Variants in PLA2G6 observed in about 807,000 individuals in gnomAD.
PLA2G6 encodes 85/88 kDa calcium-independent phospholipase A2.
In PLA2G6, 62 loss-of-function variants were observed where a neutral mutation model predicts 83.8. That is an observed-to-expected ratio of 0.74 (90% confidence interval 0.60 to 0.91). PLA2G6 has a LOEUF of 0.91. Among genes scored for constraint, PLA2G6 ranks in the 40% least tolerant of loss-of-function variants. The probability of loss-of-function intolerance (pLI) is 0.00; values close to 1 mark genes in which losing one functional copy is unlikely to be tolerated. For missense variants in PLA2G6, 944 were observed against 1,102.0 expected (o/e 0.86, Z 2.03); for synonymous variants, 417 against 449.8 (o/e 0.93, Z 0.92).
Position 38,111,844 on chromosome 22 carries a change from G to A in PLA2G6, c.*317C>T. ...CTCAGGGAGGCTGGGGCTGGGGGCA[G>A]GGGTACGGTTGTGCCCGGGTACCCT... On this transcript the variant is annotated 3_prime_UTR_variant, in exon 17 of 17. Transcript: ENST00000332509. 1 of 408,040 alleles carries A rather than the reference G, an allele frequency of 2.5e-6. No individual in the cohort carries two copies. The allele number at this position is 408,040 out of a possible 1,614,324, so 25.3% of individuals were successfully genotyped here.
chr22:38,130,720 G>A (rs922538871), intron 7 of PLA2G6: 2 of 151,936 alleles, frequency 1.3e-5, no homozygotes, highest in Non-Finnish European at 2.9e-5. Context: ...AAGTAAGCCA[G>A]GCCGGGCACG....
At position 38,113,616 on chromosome 22, in the gene PLA2G6, GACA is replaced by G. The variant is rs587784343; in HGVS notation, c.2070_2072del (p.Val691del). On this transcript the variant is annotated inframe_deletion, in exon 15 of 17. Coordinates refer to ENST00000332509, the MANE Select transcript of PLA2G6 (RefSeq NM_003560.4). ...GTGGGGACCTCCCTGTCCCCAGGGA[GACA>G]ACGATGGAGAGTTTCTTCACCTTGT... The G allele has an allele frequency of 2.5e-6, 4 of 1,613,970 alleles. No individual in the cohort carries two copies. The highest frequency in any genetic ancestry group is 3.3e-4 in the Middle Eastern group (2 of 6,062).
chr22:38,113,810 G>T, intron 14 of PLA2G6, 156 bp from the exon 15 acceptor site: 1 of 747,650 alleles, frequency 1.3e-6, no homozygotes, highest in Non-Finnish European at 2.4e-6. Flanking sequence ...ATGATTTCCA[G>T]CCAGCCTCTT....
rs371928860 is a variant in PLA2G6, at chr22:38,112,611, C to G, written c.2203-34G>C. ...AAGCAGCCTTGGTGAGTGCCGGGCC[C>G]ACACCCCGCCCGGCCCGCACCCCGC... On this transcript the variant is annotated intron_variant, in intron 15 of 16. Coordinates refer to ENST00000332509, the MANE Select transcript of PLA2G6 (RefSeq NM_003560.4). 3,260 of 1,524,376 alleles carry G rather than the reference C, an allele frequency of 2.1e-3. 5 individuals are homozygous for G. The highest frequency in any genetic ancestry group is 2.7e-3 in the Non-Finnish European group (3,055 of 1,126,114). The allele number at this position is 1,524,376 out of a possible 1,614,324, so 94.4% of individuals were successfully genotyped here. A position where few individuals can be genotyped will look rare whatever the true frequency, so the allele number is the denominator to read the frequency against.
At chr22:38,178,886 AC>A (rs1392294536) in intron 1 of PLA2G6, among the ~76,000 whole-genome samples, 1 of 149,380 alleles carries the variant, frequency 6.7e-6, no homozygotes, top group Non-Finnish European at 1.5e-5. Flanking sequence ...CAACCAACCA[AC>A]CAAAAAAAAC....
At chr22:38,178,020 T>G (rs1311758242) in intron 1 of PLA2G6, among the ~76,000 whole-genome samples, 1 of 152,196 alleles carries the variant, frequency 6.6e-6, no homozygotes, top group Non-Finnish European at 1.5e-5. Flanking sequence ...GCTGCTCACG[T>G]GAGCCAGAGC....
chr22:38,114,816 G>A (rs2087091181), intron 14 of PLA2G6, among the ~76,000 whole-genome samples: 1 of 152,202 alleles, frequency 6.6e-6, no homozygotes, highest in Admixed American at 6.5e-5. Context: ...CCAAGGCCTC[G>A]CAGCCTCCCC....
Position 38,120,805 on chromosome 22 carries a change from G to A in PLA2G6, c.1696C>T (p.Arg566Trp), listed in dbSNP as rs549902731. 35 of 1,613,868 alleles carry A rather than the reference G, an allele frequency of 2.2e-5. 1 individual carries two copies. Among genetic ancestry groups the A allele is most frequent in the South Asian group, 9.9e-5 (9 of 91,088 alleles). ...ESGPLEEFLK[R>W]EFGEHTKMTD... ...ATCTTGGTGTGCTCCCCAAACTCCC[G>A]CTTCAGGAACTCCTCCAGGGGCCCC... is the stretch of plus-strand genomic sequence containing the variant. The change falls in exon 12 of 17, where the codon CGG (arginine) becomes TGG (tryptophan). Residue 566 changes from arginine to tryptophan, a missense_variant. Arg to Trp is a moderately radical substitution (Grantham distance 101, BLOSUM62 -3). Coordinates refer to ENST00000332509, the MANE Select transcript of PLA2G6 (RefSeq NM_003560.4).
At chr22:38,169,184 G>C (rs777334317) in intron 2 of PLA2G6, 34 bp downstream of exon 2, 1 of 1,529,074 alleles carries the variant, frequency 6.5e-7, no homozygotes, top group Admixed American at 1.7e-5. Context: ...GGGAGTGAAA[G>C]GAGAGAAGTA....
chr22:38,115,063 C>T (rs1283012441), intron 14 of PLA2G6, among the ~76,000 whole-genome samples: 1 of 152,252 alleles, frequency 6.6e-6, no homozygotes, highest in Non-Finnish European at 1.5e-5. Flanking sequence ...TTCTGCACTG[C>T]TCTGTCCCCA....
At chr22:38,159,042 T>TAA (rs11570624) in intron 2 of PLA2G6, among the ~76,000 whole-genome samples, 1 of 151,594 alleles carries the variant, frequency 6.6e-6, no homozygotes, top group African/African-American at 2.4e-5. Context: ...CTACTAAAAA[T>TAA]AAAAAAATTA....
At chr22:38,175,914 AC>A (rs1215231349) in intron 1 of PLA2G6, among the ~76,000 whole-genome samples, 1 of 152,138 alleles carries the variant, frequency 6.6e-6, no homozygotes, top group Admixed American at 6.5e-5. Context: ...TGAATGAACC[AC>A]CTATAAGCCC....
At chr22:38,115,261 G>C (rs1440726199) in intron 14 of PLA2G6, among the ~76,000 whole-genome samples, 1 of 152,208 alleles carries the variant, frequency 6.6e-6, no homozygotes, top group African/African-American at 2.4e-5. Flanking sequence ...GGCTCGAGTG[G>C]CACGTTCATG....
intron 4 of PLA2G6, 152 bp downstream of exon 4, chr22:38,142,951 AGG>A: frequency 1.3e-6 from 1 of 770,812 alleles, no homozygotes. Flanking sequence ...AGAGCCAGGG[AGG>A]GGTCTGCACC....
At chr22:38,161,529 A>G (rs1046038805) in intron 2 of PLA2G6, among the ~76,000 whole-genome samples, 8 of 152,146 alleles carry the variant, frequency 5.3e-5, no homozygotes, top group African/African-American at 1.9e-4. Flanking sequence ...CAAAAAATAT[A>G]TAGTAGAAAA....
Position 38,116,113 on chromosome 22 carries a change from T to G in PLA2G6, c.1841A>C (p.Asn614Thr). The change falls in exon 13 of 17, where the codon AAC becomes ACC. Residue 614 changes from asparagine to threonine, a missense_variant. Asn to Thr is a moderately conservative substitution (Grantham distance 65, BLOSUM62 0). Transcript: ENST00000332509. ...TGGAGGCCTGAGGTTAACGTTCTGG[T>G]TGAAACGAGGCTCCCGGACAGTTTC... Reference protein sequence around the residue: ...APETVREPRFNQNVNLRPPAQ... With the variant: ...APETVREPRFTQNVNLRPPAQ... The G allele has an allele frequency of 6.2e-7, 1 of 1,614,128 alleles. No individual in the cohort carries two copies. Among genetic ancestry groups the G allele is most frequent in the South Asian group, 1.1e-5 (1 of 91,088 alleles).
chr22:38,153,051 A>T (rs2089634966), intron 2 of PLA2G6, among the ~76,000 whole-genome samples: 1 of 151,920 alleles, frequency 6.6e-6, no homozygotes, highest in African/African-American at 2.4e-5. Flanking sequence ...GGAAATTTGG[A>T]GAATAACAGA....
intron 9 of PLA2G6, chr22:38,126,689 G>C (rs1217531546): frequency 1.9e-5 from 10 of 537,514 alleles, no homozygotes; most frequent in Non-Finnish European, 3.1e-5. Flanking sequence ...TCTGGGAAGG[G>C]CTCCCCACCC....
rs1321215669 is a variant in PLA2G6 at position 38,113,603 on chromosome 22, C to T, written c.2086G>A (p.Gly696Arg). The stretch of plus-strand genomic sequence containing the variant: ...GTCACAGGCACTTGTGGGGACCTCC[C>T]TGTCCCCAGGGAGACAACGATGGAG... ...KLSIVVSLGT[G>R]RSPQVPVTCV... The change falls in exon 15 of 17, where the codon GGG (glycine) becomes AGG (arginine). Residue 696 changes from glycine (G) to arginine (R), a missense_variant. Coordinates refer to ENST00000332509, the MANE Select transcript of PLA2G6 (RefSeq NM_003560.4). The T allele has an allele frequency of 6.2e-7, 1 of 1,613,474 alleles. No homozygotes were observed. Among genetic ancestry groups the T allele is most frequent in the Non-Finnish European group, 8.5e-7 (1 of 1,179,484 alleles).
Sources: gnomAD v4.1 joint callset for allele counts (sites outside exome capture counted in the v4.1 genomes callset) on GRCh38, gnomAD v4.1.1 for gene constraint, MANE v1.5 for transcripts, NCBI Gene and HGNC (gene_info 2026-07-23, HGNC 2026-07-21) for gene names.